Variants in REDIC1 observed in about 807,000 individuals in gnomAD.
The protein encoded by REDIC1 is regulator of DNA class I crossover intermediates 1.
the REDIC1 span, among the ~76,000 whole-genome samples, chr12:39,704,112 A>G: frequency 2.6e-5 from 4 of 152,130 alleles, no homozygotes; most frequent in African/African-American, 9.7e-5. Context: ...ACAGCAAAAG[A>G]AACTACCATC....
At chr12:39,682,382 A>G in the REDIC1 span, among the ~76,000 whole-genome samples, 2 of 152,242 alleles carry the variant, frequency 1.3e-5, no homozygotes, top group East Asian at 1.9e-4. Flanking sequence ...TCATGTTGTA[A>G]TAAAAAACTG....
At chr12:39,898,904 G>C in the REDIC1 span, among the ~76,000 whole-genome samples, 22 of 152,168 alleles carry the variant, frequency 1.4e-4, no homozygotes, top group Non-Finnish European at 2.9e-5. Context: ...GAAGAAAAAG[G>C]AAAGGAGAGA....
At chr12:39,840,046 T>C in the REDIC1 span, among the ~76,000 whole-genome samples, 6 of 152,108 alleles carry the variant, frequency 3.9e-5, no homozygotes, top group Non-Finnish European at 7.4e-5. Flanking sequence ...TTTGTTTTGT[T>C]TTTGAGACAG....
chr12:39,878,846 G>A, the REDIC1 span, among the ~76,000 whole-genome samples: 1 of 152,204 alleles, frequency 6.6e-6, no homozygotes, highest in African/African-American at 2.4e-5. Context: ...CCAAGACTAT[G>A]GGAAAAAGTC....
the REDIC1 span, among the ~76,000 whole-genome samples, chr12:39,720,616 G>C: frequency 6.6e-6 from 1 of 151,944 alleles, no homozygotes; most frequent in African/African-American, 2.4e-5. Flanking sequence ...GCAGATTATT[G>C]GTTGAAGACT....
the REDIC1 span, among the ~76,000 whole-genome samples, chr12:39,786,126 G>A: frequency 2.6e-5 from 4 of 152,174 alleles, no homozygotes; most frequent in East Asian, 5.8e-4. Flanking sequence ...GGCCAGGGGC[G>A]GAATGATGTG....
chr12:39,764,524 G>T, the REDIC1 span: 1 of 1,612,144 alleles, frequency 6.2e-7, no homozygotes, highest in Non-Finnish European at 8.5e-7. Context: ...TGAAAATCCA[G>T]TTTATTCCAG....
At chr12:39,650,221 T>C in the REDIC1 span, 1 of 1,549,250 alleles carries the variant, frequency 6.5e-7, no homozygotes, top group Non-Finnish European at 8.7e-7. This position sits in a 1 kb window ranked among gnomAD's most constrained non-coding sequence, Gnocchi z 4.3. Flanking sequence ...GGCAGTTTCT[T>C]CAAATTTTTT....
At chr12:39,896,529 C>CATGT in the REDIC1 span, among the ~76,000 whole-genome samples, 7 of 140,198 alleles carry the variant, frequency 5.0e-5, no homozygotes, top group Admixed American at 1.5e-4. Flanking sequence ...TACATGTATA[C>CATGT]ATGTATGTAT....
the REDIC1 span, chr12:39,683,478 A>G: frequency 6.3e-7 from 1 of 1,591,536 alleles, no homozygotes; most frequent in South Asian, 1.1e-5. Flanking sequence ...TATCCAGCAA[A>G]CTCTATGTAA....
the REDIC1 span, among the ~76,000 whole-genome samples, chr12:39,786,976 CTG>C: frequency 8.2e-6 from 1 of 121,904 alleles, no homozygotes; most frequent in South Asian, 2.7e-4. Flanking sequence ...GGCATATTTT[CTG>C]TGTTTTTTCT....
chr12:39,815,088 T>G, the REDIC1 span, among the ~76,000 whole-genome samples: 1 of 152,060 alleles, frequency 6.6e-6, no homozygotes, highest in Non-Finnish European at 1.5e-5. Context: ...AGAAGTAAAA[T>G]AAATGACCCA....
At chr12:39,704,234 AAAC>A in the REDIC1 span, among the ~76,000 whole-genome samples, 1 of 152,214 alleles carries the variant, frequency 6.6e-6, no homozygotes, top group African/African-American at 2.4e-5. Flanking sequence ...CAAGAAAAAA[AAAC>A]AACCCCATCA....
the REDIC1 span, among the ~76,000 whole-genome samples, chr12:39,674,962 T>C: frequency 6.6e-6 from 1 of 152,226 alleles, no homozygotes; most frequent in South Asian, 2.1e-4. Flanking sequence ...GCCAACAGTG[T>C]GGGTAGACAG....
chr12:39,869,176 A>G, the REDIC1 span, among the ~76,000 whole-genome samples: 1 of 152,350 alleles, frequency 6.6e-6, no homozygotes, highest in South Asian at 2.1e-4. Flanking sequence ...CAACTAACAC[A>G]GAATCAGTAT....
the REDIC1 span, chr12:39,907,929 A>G: frequency 6.9e-6 from 1 of 144,230 alleles, no homozygotes; most frequent in Non-Finnish European, 1.5e-5. Context: ...GGCACTTTCC[A>G]CCTTTACAAC....
chr12:39,799,391 T>C, the REDIC1 span, among the ~76,000 whole-genome samples: 1 of 151,560 alleles, frequency 6.6e-6, no homozygotes, highest in East Asian at 1.9e-4. Flanking sequence ...ATTACAGGCA[T>C]GAGCCACTAA....
At chr12:39,893,707 C>G in the REDIC1 span, among the ~76,000 whole-genome samples, 4 of 152,160 alleles carry the variant, frequency 2.6e-5, no homozygotes. Context: ...AGATTATGTG[C>G]TTTTTCTGGA....
the REDIC1 span, among the ~76,000 whole-genome samples, chr12:39,656,973 TAAG>T: frequency 6.6e-6 from 1 of 152,188 alleles, no homozygotes; most frequent in Non-Finnish European, 1.5e-5. Flanking sequence ...TACAGTAAGA[TAAG>T]GTTAATTTAT....
Sources: gnomAD v4.1 joint callset for allele counts (sites outside exome capture counted in the v4.1 genomes callset) on GRCh38, gnomAD v4.1.1 for gene constraint, Gnocchi (gnomAD v3.1) non-coding constraint, MANE v1.5 for transcripts, NCBI Gene and HGNC (gene_info 2026-07-23, HGNC 2026-07-21) for gene names.